GFOD2: variants seen among roughly 807,000 people sequenced by gnomAD.
GFOD2 encodes glucose-fructose oxidoreductase domain-containing protein 2.
Under a neutral mutation model 24.6 loss-of-function variants are expected in GFOD2, and 9 were observed. That is an observed-to-expected ratio of 0.37 (90% confidence interval 0.22 to 0.64). The LOEUF is 0.64. GFOD2 is among the 30% of genes least tolerant of loss of function. The pLI is 0.65. For synonymous variants in GFOD2, 211 were observed against 224.8 expected (o/e 0.94, Z 0.55); for missense variants, 476 against 532.5 (o/e 0.89, Z 1.04).
intron 1 of GFOD2, among the ~76,000 whole-genome samples, chr16:67,717,425 A>T (rs2053514635): frequency 6.6e-6 from 1 of 152,232 alleles, no homozygotes; most frequent in Non-Finnish European, 1.5e-5. Flanking sequence ...TTTCTAAAAA[A>T]TTGCTAGTTC....
rs115857657 is a variant in GFOD2, at chr16:67,676,148, A to C, written c.260-95T>G. On this transcript the variant is annotated intron_variant, in intron 2 of 2. Transcript: ENST00000268797. ...AGGATTTTGGACTTCTCTGCCTTAC[A>C]ACTGCACGAACTAATTTTTTTTTCT... 1,531 of 1,187,644 alleles carry C rather than the reference A, an allele frequency of 1.3e-3. 20 individuals carry two copies. The African/African-American group carries it at 0.021, about 16-fold the overall frequency. 73.6% of individuals were successfully genotyped at this position (1,187,644 alleles called of 1,614,324 possible). A position where few individuals can be genotyped will look rare whatever the true frequency, so the allele number is the denominator to read the frequency against.
intron 2 of GFOD2, chr16:67,682,700 G>A (rs879674524): frequency 1.0e-5 from 10 of 985,056 alleles, no homozygotes; most frequent in African/African-American, 1.7e-5. Context: ...TAATAATGAG[G>A]GCAAGAAATG....
chr16:67,675,372 A>G lies in GFOD2; in HGVS notation c.941T>C (p.Leu314Ser), dbSNP rs1463202193. Residue 314 changes from leucine to serine, a missense_variant, in exon 3 of 3, where the codon TTG (leucine) becomes TCG (serine). By Grantham distance (145) the Leu-to-Ser change is moderately radical (BLOSUM62 -2). Coordinates refer to ENST00000268797, the MANE Select transcript of GFOD2 (RefSeq NM_030819.4). ...LKGMVYMVQALRQSFQGQGDR... is the reference protein window; with the variant it reads ...LKGMVYMVQASRQSFQGQGDR... ...GCCCTGCCCCTGGAAGGACTGGCGC[A>G]AGGCCTGCACCATGTAGACCATGCC... 2.5e-6 allele frequency: 4 copies of G among 1,613,462 alleles called. No individual in the cohort carries two copies. The highest frequency in any genetic ancestry group is 3.4e-6 in the Non-Finnish European group (4 of 1,179,982).
At chr16:67,701,383 A>C (rs1181052640) in intron 1 of GFOD2, among the ~76,000 whole-genome samples, 1 of 152,234 alleles carries the variant, frequency 6.6e-6, no homozygotes, top group East Asian at 1.9e-4. Context: ...GTAAACAGAT[A>C]AACAGTAGTA....
chr16:67,681,029 T>C (rs544782837), intron 2 of GFOD2: 3 of 985,484 alleles, frequency 3.0e-6, no homozygotes, highest in Non-Finnish European at 3.6e-6. Context: ...CTGCTAGCAC[T>C]ACTGCTTCTG....
chr16:67,697,193 A>G (rs950459388), intron 1 of GFOD2, among the ~76,000 whole-genome samples: 2 of 152,158 alleles, frequency 1.3e-5, no homozygotes, highest in Non-Finnish European at 2.9e-5. Context: ...GACCTCAGGT[A>G]AGTCCTTTAG....
At chr16:67,711,593 C>A (rs1350543935) in intron 1 of GFOD2, among the ~76,000 whole-genome samples, 1 of 152,162 alleles carries the variant, frequency 6.6e-6, no homozygotes, top group East Asian at 1.9e-4. Flanking sequence ...CAGACGGGTG[C>A]AAACAACCGC....
chr16:67,718,695 C>T (rs1273734964), intron 1 of GFOD2, among the ~76,000 whole-genome samples: 1 of 152,198 alleles, frequency 6.6e-6, no homozygotes, highest in East Asian at 1.9e-4. Context: ...CAACTGAACA[C>T]CCGTTTCTTA....
intron 1 of GFOD2, among the ~76,000 whole-genome samples, chr16:67,705,629 C>T: frequency 6.6e-6 from 1 of 152,100 alleles, no homozygotes; most frequent in Non-Finnish European, 1.5e-5. Flanking sequence ...TGGTTCCATC[C>T]AAGCTTTTAA....
intron 1 of GFOD2, among the ~76,000 whole-genome samples, chr16:67,694,135 C>T (rs1008591737): frequency 2.0e-5 from 3 of 152,048 alleles, no homozygotes; most frequent in African/African-American, 4.8e-5. Context: ...GCTGGGATTA[C>T]AGGCACACGC....
intron 2 of GFOD2, among the ~76,000 whole-genome samples, chr16:67,678,214 C>T (rs1281615154): frequency 2.0e-5 from 3 of 152,146 alleles, no homozygotes; most frequent in Admixed American, 2.0e-4. Flanking sequence ...TGGTGGCTCA[C>T]GCCTATAATC....
At position 67,685,783 on chromosome 16, in the gene GFOD2, G is replaced by A. The variant is rs79264220; in HGVS notation, c.-68C>T. The A allele has an allele frequency of 7.4e-5, 113 of 1,536,228 alleles. No homozygotes were observed. The highest frequency in any genetic ancestry group is 4.9e-4 in the African/African-American group (36 of 73,508). On this transcript the variant is annotated 5_prime_UTR_variant, in exon 2 of 3. It adds an upstream start codon to the 5' untranslated region. Coordinates refer to ENST00000268797, the MANE Select transcript of GFOD2 (RefSeq NM_030819.4). ...CTGGCATGGATATGATCTTCCAAACGTCCTGGTCAGACATGGCTCCTAGAA... is the reference window on the plus strand; with the variant it reads ...CTGGCATGGATATGATCTTCCAAACATCCTGGTCAGACATGGCTCCTAGAA...
At chr16:67,708,770 G>A (rs1360857364) in intron 1 of GFOD2, among the ~76,000 whole-genome samples, 1 of 152,086 alleles carries the variant, frequency 6.6e-6, no homozygotes, top group Non-Finnish European at 1.5e-5. Flanking sequence ...ACTGCATCCT[G>A]AGAGGCACCT....
intron 1 of GFOD2, among the ~76,000 whole-genome samples, chr16:67,687,938 A>C (rs1339097270): frequency 6.6e-6 from 1 of 152,220 alleles, no homozygotes; most frequent in African/African-American, 2.4e-5. Flanking sequence ...TGACAGTGCC[A>C]CTGCACTCTA....
At chr16:67,702,316 A>G (rs2142996554) in intron 1 of GFOD2, among the ~76,000 whole-genome samples, 1 of 152,174 alleles carries the variant, frequency 6.6e-6, no homozygotes, top group Non-Finnish European at 1.5e-5. Context: ...TCTGCTAAAA[A>G]TACACAAATT....
chr16:67,679,098 T>C (rs1416888897), intron 2 of GFOD2, among the ~76,000 whole-genome samples: 6 of 152,164 alleles, frequency 3.9e-5, no homozygotes, highest in Non-Finnish European at 5.9e-5. Flanking sequence ...GTCCAGGAGA[T>C]TGGGGCTGCA....
At chr16:67,705,655 T>C (rs1420353335) in intron 1 of GFOD2, among the ~76,000 whole-genome samples, 3 of 152,092 alleles carry the variant, frequency 2.0e-5, no homozygotes, top group African/African-American at 4.8e-5. Context: ...GTACCTGTAA[T>C]AGGCTGGGTG....
intron 1 of GFOD2, among the ~76,000 whole-genome samples, chr16:67,717,571 ATC>A (rs2053516038): frequency 6.6e-6 from 1 of 152,188 alleles, no homozygotes; most frequent in African/African-American, 2.4e-5. Flanking sequence ...CAGGCAGATC[ATC>A]TGAGGTCAGG....
At chr16:67,712,300 T>TCCCCC (rs2053480266) in intron 1 of GFOD2, among the ~76,000 whole-genome samples, 1 of 72,724 alleles carries the variant, frequency 1.4e-5, no homozygotes, top group African/African-American at 5.7e-5. Flanking sequence ...CCCCTCCCCC[T>TCCCCC]CTCCCTCTCC....
Sources: gnomAD v4.1 joint callset for allele counts (sites outside exome capture counted in the v4.1 genomes callset) on GRCh38, gnomAD v4.1.1 for gene constraint, MANE v1.5 for transcripts, NCBI Gene and HGNC (gene_info 2026-07-23, HGNC 2026-07-21) for gene names.